The following FHOD3 variants were observed in gnomAD, a reference collection of about 807,000 sequenced individuals.
FHOD3 encodes the protein FH1/FH2 domain-containing protein 3.
Under a neutral mutation model 173.0 loss-of-function variants are expected in FHOD3, and 90 were observed. That is an observed-to-expected ratio of 0.52 (90% CI 0.44 to 0.62). The LOEUF is 0.62. FHOD3 is among the 20% of genes least tolerant of loss of function. The pLI is 0.00. For missense variants in FHOD3, 1,945 were observed against 2,034.7 expected (o/e 0.96, Z 0.85); for synonymous variants, 828 against 823.0 (o/e 1.01, Z -0.10).
At chr18:36,655,922 G>A (rs991367660) in intron 13 of FHOD3, among the ~76,000 whole-genome samples, 2 of 152,150 alleles carry the variant, frequency 1.3e-5, no homozygotes, top group African/African-American at 4.8e-5. Flanking sequence ...TTTCCATAGC[G>A]TCATTTAAAC....
intron 5 of FHOD3, among the ~76,000 whole-genome samples, chr18:36,541,870 G>A (rs931474787): frequency 6.6e-6 from 1 of 152,204 alleles, no homozygotes; most frequent in Non-Finnish European, 1.5e-5. Flanking sequence ...TTCTGAGAAG[G>A]TAATGCCCTT....
At chr18:36,551,162 G>C (rs943448746) in intron 5 of FHOD3, among the ~76,000 whole-genome samples, 2 of 152,152 alleles carry the variant, frequency 1.3e-5, no homozygotes, top group African/African-American at 4.8e-5. Flanking sequence ...ATATTGAAAT[G>C]ATCATTTTTT....
intron 3 of FHOD3, among the ~76,000 whole-genome samples, chr18:36,482,858 C>CACAGAGAGAGAGAG (rs1400178557): frequency 2.3e-5 from 3 of 130,374 alleles, no homozygotes; most frequent in African/African-American, 9.3e-5. Context: ...CACACACACA[C>CACAGAGAGAGAGAG]AGAGAGAGAG....
At chr18:36,764,680 C>G (rs1419873779) in intron 27 of FHOD3, among the ~76,000 whole-genome samples, 1 of 152,060 alleles carries the variant, frequency 6.6e-6, no homozygotes, top group Non-Finnish European at 1.5e-5. Flanking sequence ...TGGGTTTGTA[C>G]AACATGGGGT....
chr18:36,379,478 G>A (rs189804622), intron 3 of FHOD3, among the ~76,000 whole-genome samples: 13 of 152,294 alleles, frequency 8.5e-5, no homozygotes, highest in Admixed American at 3.3e-4. Context: ...GCCATTATCA[G>A]TGTGTTTACT....
intron 14 of FHOD3, among the ~76,000 whole-genome samples, chr18:36,680,897 A>C (rs553662885): frequency 6.6e-6 from 1 of 152,364 alleles, no homozygotes; most frequent in East Asian, 1.9e-4. Flanking sequence ...TGCATGTATA[A>C]TAGAAAATAG....
At chr18:36,596,305 C>A (rs1197912935) in intron 7 of FHOD3, among the ~76,000 whole-genome samples, 1 of 148,588 alleles carries the variant, frequency 6.7e-6, no homozygotes, top group African/African-American at 2.5e-5. Flanking sequence ...CAGGTGCCCA[C>A]CACCATGCCC....
At chr18:36,755,792 C>T (rs1171863721) in intron 25 of FHOD3, among the ~76,000 whole-genome samples, 1 of 152,166 alleles carries the variant, frequency 6.6e-6, no homozygotes, top group Non-Finnish European at 1.5e-5. Context: ...TCTGAATAAA[C>T]TGATGTGATT....
intron 1 of FHOD3, among the ~76,000 whole-genome samples, chr18:36,313,806 G>A (rs1399740918): frequency 6.6e-6 from 1 of 152,046 alleles, no homozygotes; most frequent in African/African-American, 2.4e-5. Context: ...TTATTCAGCA[G>A]ATAATTACCT....
intron 5 of FHOD3, among the ~76,000 whole-genome samples, chr18:36,539,087 C>T (rs532548710): frequency 6.6e-6 from 1 of 152,336 alleles, no homozygotes; most frequent in East Asian, 1.9e-4. Flanking sequence ...TGTTGCTTAG[C>T]TTCTATAAGA....
chr18:36,425,903 C>CTTTT (rs576258914), intron 3 of FHOD3, among the ~76,000 whole-genome samples: 4 of 142,728 alleles, frequency 2.8e-5, no homozygotes, highest in South Asian at 2.3e-4. Context: ...TTCTTTCTTT[C>CTTTT]TTTTTTTTTT....
intron 6 of FHOD3, among the ~76,000 whole-genome samples, chr18:36,589,829 T>C (rs146774323): frequency 1.3e-5 from 2 of 152,302 alleles, no homozygotes; most frequent in African/African-American, 2.4e-5. Context: ...GTGTCTTCCA[T>C]GGCCTTGGAT....
At chr18:36,589,593 G>A (rs1479184261) in intron 6 of FHOD3, among the ~76,000 whole-genome samples, 2 of 152,194 alleles carry the variant, frequency 1.3e-5, no homozygotes, top group Non-Finnish European at 2.9e-5. Context: ...GCTGTTGAAA[G>A]TAGAAGCAGA....
In FHOD3 at chr18:36,653,498, C is replaced by A. The variant is rs538814695; in HGVS notation, c.1721+82C>A. 5.7e-5 allele frequency: 57 copies of A among 1,000,766 alleles called. No homozygotes were observed. In the African/African-American group the frequency reaches 8.7e-4, roughly 15 times the overall value. The allele number at this position is 1,000,766 out of a possible 1,614,324, so 62.0% of individuals were successfully genotyped here. A position where few individuals can be genotyped will look rare whatever the true frequency, so the allele number is the denominator to read the frequency against. The stretch of plus-strand genomic sequence containing the variant: ...TATGCATTTTTCTTTTCAAAGAATG[C>A]TAATATCTTCCTACAACGTGACACA... On this transcript the variant is annotated intron_variant, in intron 13 of 28. Transcript: ENST00000590592.
intron 4 of FHOD3, among the ~76,000 whole-genome samples, chr18:36,506,054 G>A (rs978268337): frequency 3.3e-5 from 5 of 152,170 alleles, no homozygotes; most frequent in African/African-American, 1.2e-4. Context: ...CTTCACAGAA[G>A]CTGGACTAGA....
intron 27 of FHOD3, among the ~76,000 whole-genome samples, chr18:36,761,500 G>T (rs2042876428): frequency 6.6e-6 from 1 of 152,096 alleles, no homozygotes; most frequent in South Asian, 2.1e-4. Flanking sequence ...CTGTAGGCAG[G>T]TCCTGTCCTA....
intron 5 of FHOD3, among the ~76,000 whole-genome samples, chr18:36,545,608 C>G (rs1232448871): frequency 6.6e-6 from 1 of 152,178 alleles, no homozygotes; most frequent in Non-Finnish European, 1.5e-5. Context: ...TTCTAAATAT[C>G]TGTGTGTGTG....
At chr18:36,354,357 C>T (rs2046261652) in intron 1 of FHOD3, among the ~76,000 whole-genome samples, 1 of 152,148 alleles carries the variant, frequency 6.6e-6, no homozygotes, top group African/African-American at 2.4e-5. Context: ...TCACAGTCCT[C>T]ATCTGTAAAA....
chr18:36,692,450 A>C (rs2039022673), intron 16 of FHOD3, among the ~76,000 whole-genome samples: 1 of 152,238 alleles, frequency 6.6e-6, no homozygotes, highest in African/African-American at 2.4e-5. Context: ...ACACATTTCA[A>C]AGTTATTTTG....
Sources: gnomAD v4.1 joint callset for allele counts (sites outside exome capture counted in the v4.1 genomes callset) on GRCh38, gnomAD v4.1.1 for gene constraint, MANE v1.5 for transcripts, NCBI Gene and HGNC (gene_info 2026-07-23, HGNC 2026-07-21) for gene names.